Variants in SPTAN1 observed in about 807,000 individuals in gnomAD.
SPTAN1 encodes spectrin alpha chain, non-erythrocytic 1.
SPTAN1 carries 61 observed loss-of-function variants against 331.3 expected under a neutral mutation model. The observed-to-expected ratio is 0.18, with a 90% CI of 0.15 to 0.23. SPTAN1 has a LOEUF of 0.23. Ranked by LOEUF, SPTAN1 falls within the 10% of genes least tolerant of loss-of-function variation. The pLI is 1.00. For missense variants in SPTAN1, 2,043 were observed against 3,147.9 expected (o/e 0.65, Z 8.40); for synonymous variants, 1,153 against 1,173.9 (o/e 0.98, Z 0.36).
rs1326715734 is a variant in SPTAN1 at position 128,580,925 on chromosome 9, A to T, written c.1327A>T (p.Thr443Ser). The T allele has an allele frequency of 6.2e-7, 1 of 1,612,702 alleles. No homozygotes were observed. The highest frequency in any genetic ancestry group is 8.5e-7 in the Non-Finnish European group (1 of 1,180,034). The change falls in exon 11 of 57, where the codon ACC becomes TCC. Residue 443 changes from threonine to serine, a missense_variant. By Grantham distance (58) the Thr-to-Ser change is moderately conservative (BLOSUM62 1). Around this residue, in one of 12 missense-constraint regions of SPTAN1, gnomAD observed 1,038 missense variants for 1,531.5 expected, o/e 0.68. Coordinates refer to ENST00000372739, the MANE Select transcript of SPTAN1 (RefSeq NM_001130438.3). The part of the protein sequence containing the change: ...YASDEVREKL[T>S]VLSEERAALL... ...CCATGTCTCCTATGCCCCCAAGCTG[A>T]CCGTCCTTTCCGAGGAGAGAGCGGC...
At chr9:128,572,199 T>G (rs1850805055) in intron 3 of SPTAN1, among the ~76,000 whole-genome samples, 1 of 152,178 alleles carries the variant, frequency 6.6e-6, no homozygotes, top group African/African-American at 2.4e-5. Flanking sequence ...CATTCCTGTC[T>G]TCTTTGCTTA....
chr9:128,605,259 C>A (rs370754689), intron 30 of SPTAN1, 37 bp from the exon 31 acceptor site: 3 of 1,614,062 alleles, frequency 1.9e-6, no homozygotes, highest in Non-Finnish European at 2.5e-6. Flanking sequence ...GAGCATACCC[C>A]CTTACTGCAA....
chr9:128,629,369 G>A lies in SPTAN1; in HGVS notation c.6708-952G>A, dbSNP rs1228717429. Among the ~76,000 whole-genome samples the A allele has an allele frequency of 6.6e-6, 1 of 151,836 alleles. No individual in the cohort carries two copies. Among genetic ancestry groups the A allele is most frequent in the East Asian group, 1.9e-4 (1 of 5,132 alleles). On this transcript the variant is annotated intron_variant, in intron 51 of 56. Transcript: ENST00000372739. The surrounding 1 kb of genome is among the most constrained non-coding windows in gnomAD (Gnocchi z 4.9). ...AGGTCCTGGGGGGCATTTTCCCCGG[G>A]GGGACATGGCGTGACTGTGAGTCTG...
In SPTAN1 at chr9:128,608,285, T is replaced by C. The variant is rs894723847; in HGVS notation, c.4491+9T>C. ...AAGCGATTAACGTCCAGGTGAGGCC[T>C]CTGGACCATGGAGTTGGAGTCTGGA... is the stretch of plus-strand genomic sequence containing the variant. On this transcript the variant is annotated intron_variant, in intron 34 of 56. Coordinates refer to ENST00000372739, the MANE Select transcript of SPTAN1 (RefSeq NM_001130438.3). 1 of 1,614,162 alleles carries C rather than the reference T, an allele frequency of 6.2e-7. No individual in the cohort carries two copies. The highest frequency in any genetic ancestry group is 1.3e-5 in the African/African-American group (1 of 75,070).
chr9:128,564,038 C>T (rs754297888), intron 1 of SPTAN1, among the ~76,000 whole-genome samples: 2 of 152,020 alleles, frequency 1.3e-5, no homozygotes, highest in Non-Finnish European at 2.9e-5. Flanking sequence ...TTTGGAAGAC[C>T]GGAGGTGGGA....
intron 9 of SPTAN1, 120 bp downstream of exon 9, chr9:128,578,365 A>G: frequency 7.6e-7 from 1 of 1,319,396 alleles, no homozygotes; most frequent in Non-Finnish European, 1.1e-6. Context: ...GGTGTTTCTC[A>G]TCATGAGGAT....
At chr9:128,570,245 G>A (rs974272015) in intron 3 of SPTAN1, among the ~76,000 whole-genome samples, 2 of 150,634 alleles carry the variant, frequency 1.3e-5, no homozygotes, top group Non-Finnish European at 2.9e-5. Context: ...CGGAAGGGAG[G>A]AGGACCTAAA....
chr9:128,586,013 G>A (rs570342041), intron 19 of SPTAN1, 48 bp downstream of exon 19: 3 of 1,566,498 alleles, frequency 1.9e-6, no homozygotes, highest in South Asian at 2.2e-5. Flanking sequence ...GTGGAACAGG[G>A]CTTGTACTGA....
intron 9 of SPTAN1, among the ~76,000 whole-genome samples, chr9:128,579,250 A>T (rs1471911850): frequency 1.3e-5 from 2 of 152,230 alleles, no homozygotes; most frequent in Non-Finnish European, 2.9e-5. Flanking sequence ...ATTCAAAAAA[A>T]GCTGAGACAA....
chr9:128,615,894 A>G (rs1857107614), intron 41 of SPTAN1, 54 bp downstream of exon 41: 1 of 1,578,650 alleles, frequency 6.3e-7, no homozygotes, highest in Non-Finnish European at 8.7e-7. Flanking sequence ...AGTGGGCAGC[A>G]GGAACCACAG....
chr9:128,559,164 T>C (rs1848995231), intron 1 of SPTAN1, among the ~76,000 whole-genome samples: 1 of 152,178 alleles, frequency 6.6e-6, no homozygotes, highest in African/African-American at 2.4e-5. Context: ...GCTGATCTAC[T>C]GCAGGAAAGA....
intron 45 of SPTAN1, 123 bp from the exon 46 acceptor site, chr9:128,624,205 C>T: frequency 1.8e-6 from 2 of 1,094,582 alleles, no homozygotes; most frequent in Admixed American, 3.9e-5. Context: ...CATTGTTTAC[C>T]CAGCAGTGGA....
chr9:128,612,014 C>T (rs1589326637), intron 38 of SPTAN1, 95 bp from the exon 39 acceptor site: 1 of 1,610,528 alleles, frequency 6.2e-7, no homozygotes, highest in Non-Finnish European at 8.5e-7. Context: ...TGAGTGTTTT[C>T]CATTCTCTTC....
intron 9 of SPTAN1, 61 bp downstream of exon 9, chr9:128,578,306 T>C (rs1227004789): frequency 1.0e-5 from 16 of 1,603,650 alleles, no homozygotes; most frequent in African/African-American, 1.3e-5. Flanking sequence ...CACCAGTTTA[T>C]CAGTGTTGGG....
At chr9:128,583,018 C>T in intron 14 of SPTAN1, 59 bp from the exon 15 acceptor site, 3 of 1,593,068 alleles carry the variant, frequency 1.9e-6, no homozygotes, top group Non-Finnish European at 2.6e-6. Context: ...GAAGGTAGTG[C>T]AAGGGAACTT....
At chr9:128,598,795 G>A (rs1327896506) in intron 25 of SPTAN1, 168 bp from the exon 26 acceptor site, 2 of 687,092 alleles carry the variant, frequency 2.9e-6, no homozygotes, top group Non-Finnish European at 5.1e-6. Context: ...GTTCCTCAAA[G>A]AAAAAGTTTA....
At chr9:128,611,641 G>A in intron 37 of SPTAN1, 73 bp from the exon 38 acceptor site, 1 of 1,588,542 alleles carries the variant, frequency 6.3e-7, no homozygotes, top group South Asian at 1.1e-5. Flanking sequence ...CCCTGCCTCT[G>A]AGAACCCCTT....
intron 27 of SPTAN1, 65 bp from the exon 28 acceptor site, chr9:128,603,478 G>T: frequency 6.3e-7 from 1 of 1,579,298 alleles, no homozygotes; most frequent in South Asian, 1.1e-5. Context: ...AATGACACTT[G>T]CAGCTCAGAT....
At chr9:128,555,425 G>C in intron 1 of SPTAN1, 2 of 1,289,114 alleles carry the variant, frequency 1.6e-6, no homozygotes, top group Non-Finnish European at 2.0e-6. Context: ...GCAGAAAACG[G>C]GTTGCCTTTT....
Sources: gnomAD v4.1 joint callset for allele counts (sites outside exome capture counted in the v4.1 genomes callset) on GRCh38, gnomAD v4.1.1 for gene constraint, gnomAD v4.1.1 regional missense constraint, Gnocchi (gnomAD v3.1) non-coding constraint, MANE v1.5 for transcripts, NCBI Gene and HGNC (gene_info 2026-07-23, HGNC 2026-07-21) for gene names.